HOOK1: variants seen among roughly 807,000 people sequenced by gnomAD.
The protein encoded by HOOK1 is hook microtubule tethering protein 1.
A neutral mutation model predicts 112.8 loss-of-function variants in HOOK1; 60 were observed. The ratio of observed to expected loss-of-function variants is 0.53; its 90% confidence interval spans 0.43 to 0.66. HOOK1 has a LOEUF of 0.66. Among genes scored for constraint, HOOK1 ranks in the 30% least tolerant of loss-of-function variants. The pLI, the probability that HOOK1 is intolerant of heterozygous loss-of-function variation, is 0.00. For missense variants in HOOK1, 770 were observed against 856.0 expected (o/e 0.90, Z 1.25); for synonymous variants, 294 against 283.8 (o/e 1.04, Z -0.36).
chr1:59,830,933 CTCT>C (rs1271526731), intron 3 of HOOK1, among the ~76,000 whole-genome samples: 1 of 146,834 alleles, frequency 6.8e-6, no homozygotes, highest in Non-Finnish European at 1.5e-5. Flanking sequence ...CAGAATTTCG[CTCT>C]TACGCCCAGC....
At chr1:59,823,042 C>T (rs927930281) in intron 2 of HOOK1, among the ~76,000 whole-genome samples, 73 of 152,138 alleles carry the variant, frequency 4.8e-4, no homozygotes, top group African/African-American at 1.5e-3. Context: ...TTTGATTGGC[C>T]GGGTGCGGTG....
At chr1:59,862,908 C>A in intron 16 of HOOK1, 31 bp downstream of exon 16, 3 of 1,214,016 alleles carry the variant, frequency 2.5e-6, no homozygotes, top group Non-Finnish European at 3.7e-6. Flanking sequence ...AATAATTCTG[C>A]TGTGTATGGC....
At chr1:59,827,207 G>A (rs1183984264) in intron 2 of HOOK1, among the ~76,000 whole-genome samples, 4 of 152,182 alleles carry the variant, frequency 2.6e-5, no homozygotes, top group Non-Finnish European at 5.9e-5. Context: ...TCTTTCTTTG[G>A]GGGAGTTCAG....
intron 20 of HOOK1, among the ~76,000 whole-genome samples, chr1:59,869,930 T>C (rs1644028853): frequency 6.6e-6 from 1 of 152,260 alleles, no homozygotes; most frequent in African/African-American, 2.4e-5. Flanking sequence ...GGTTTTCTTT[T>C]TGGTACATGT....
intron 3 of HOOK1, 150 bp from the exon 4 acceptor site, chr1:59,832,013 A>G (rs1302305671): frequency 8.7e-6 from 4 of 458,702 alleles, no homozygotes; most frequent in Non-Finnish European, 1.5e-5. Context: ...GATGGTTAAA[A>G]AGCATCATGT....
rs556002940 is a variant in HOOK1 at position 59,872,895 on chromosome 1, C to T, written c.2117C>T (p.Ala706Val). ...GACTPARSFL[A>V]QQRHITNTRR... Reference sequence around the variant, plus strand: ...TGCACTCCTGCGCGGTCTTTCTTAGCGCAGCAACGGCACATCACCAACACC... The same window carrying T: ...TGCACTCCTGCGCGGTCTTTCTTAGTGCAGCAACGGCACATCACCAACACC... Residue 706 changes from alanine to valine, a missense_variant, in exon 22 of 22, where the codon GCG becomes GTG. By Grantham distance (64) the Ala-to-Val change is moderately conservative (BLOSUM62 0). This residue lies in a region of HOOK1 where 111 missense variants were observed against 111.8 expected (regional missense o/e 0.99). Transcript: ENST00000371208. 3.3e-4 allele frequency: 497 copies of T among 1,526,710 alleles called. 1 individual carries two copies. The highest frequency in any genetic ancestry group is 5.1e-4 in the Middle Eastern group (3 of 5,938). 94.6% of individuals were successfully genotyped at this position (1,526,710 alleles called of 1,614,324 possible). A position where few individuals can be genotyped will look rare whatever the true frequency, so the allele number is the denominator to read the frequency against.
intron 12 of HOOK1, among the ~76,000 whole-genome samples, chr1:59,857,440 T>A (rs979013660): frequency 2.6e-5 from 4 of 152,196 alleles, no homozygotes; most frequent in South Asian, 2.1e-4. Context: ...ACCAGACTGT[T>A]GTAGGCCTTT....
chr1:59,825,504 C>T (rs1288106471), intron 2 of HOOK1, among the ~76,000 whole-genome samples: 1 of 152,182 alleles, frequency 6.6e-6, no homozygotes, highest in Non-Finnish European at 1.5e-5. Context: ...TAGCCAACAT[C>T]TGAATATATA....
At chr1:59,819,138 ATTTTTTTTTTT>A (rs60936378) in intron 1 of HOOK1, among the ~76,000 whole-genome samples, 3 of 76,540 alleles carry the variant, frequency 3.9e-5, no homozygotes, top group South Asian at 9.4e-4. Context: ...CCCAATAAGC[ATTTTTTTTTTT>A]TTTTTTTTTT....
chr1:59,855,258 A>AT (rs1367324751), intron 12 of HOOK1, among the ~76,000 whole-genome samples: 3 of 152,164 alleles, frequency 2.0e-5, no homozygotes, highest in Non-Finnish European at 4.4e-5. Flanking sequence ...AGTACCCAGT[A>AT]GTTATCTTTT....
At chr1:59,836,259 A>G (rs1026688719) in intron 6 of HOOK1, among the ~76,000 whole-genome samples, 1 of 152,152 alleles carries the variant, frequency 6.6e-6, no homozygotes, top group African/African-American at 2.4e-5. Flanking sequence ...TTGATTCTTA[A>G]TATCAGCCTA....
intron 15 of HOOK1, among the ~76,000 whole-genome samples, chr1:59,862,022 A>T (rs1031399451): frequency 6.6e-6 from 1 of 152,208 alleles, no homozygotes. Flanking sequence ...ACCAGTTGTT[A>T]ACACTTTTCT....
intron 3 of HOOK1, 108 bp downstream of exon 3, chr1:59,828,960 G>A (rs1005661535): frequency 3.5e-5 from 29 of 821,814 alleles, no homozygotes; most frequent in Non-Finnish European, 4.8e-5. Flanking sequence ...TTTTTGTTGT[G>A]TATAGTTTGA....
intron 7 of HOOK1, among the ~76,000 whole-genome samples, chr1:59,839,971 T>C (rs1257163665): frequency 6.6e-6 from 1 of 152,226 alleles, no homozygotes; most frequent in African/African-American, 2.4e-5. Flanking sequence ...TCATTGGTTC[T>C]GTTTATGTGA....
At chr1:59,839,576 A>G (rs1275675877) in intron 7 of HOOK1, among the ~76,000 whole-genome samples, 1 of 152,186 alleles carries the variant, frequency 6.6e-6, no homozygotes, top group Non-Finnish European at 1.5e-5. Flanking sequence ...TTATCAGCTT[A>G]AGGAGATTTT....
rs190073935 is a variant in HOOK1 at position 59,867,709 on chromosome 1, C to T, written c.1846-541C>T. Among the ~76,000 whole-genome samples, 351 of 152,116 alleles carry T rather than the reference C, an allele frequency of 2.3e-3. 2 individuals carry two copies. The highest frequency in any genetic ancestry group is 6.8e-3 in the Middle Eastern group (2 of 294). On this transcript the variant is annotated intron_variant, in intron 19 of 21. Coordinates refer to ENST00000371208, the MANE Select transcript of HOOK1 (RefSeq NM_015888.6). ...TCAATTTTTAGTAATAACATAAATGCGATTCAGCACCCTACCTTTTGCAAA... is the reference window on the plus strand; with the variant it reads ...TCAATTTTTAGTAATAACATAAATGTGATTCAGCACCCTACCTTTTGCAAA...
intron 15 of HOOK1, among the ~76,000 whole-genome samples, chr1:59,862,502 A>T (rs766605386): frequency 7.9e-5 from 12 of 152,164 alleles, no homozygotes; most frequent in Non-Finnish European, 1.5e-4. Flanking sequence ...TTTTTCTACC[A>T]GTGAGTGCGG....
intron 8 of HOOK1, 38 bp downstream of exon 8, chr1:59,840,429 T>G (rs113120595): frequency 1.1e-5 from 15 of 1,346,386 alleles, no homozygotes; most frequent in Non-Finnish European, 1.5e-5. Flanking sequence ...AAACTTCCTC[T>G]TTAAGTTTAC....
Position 59,814,969 on chromosome 1 carries a change from A to C in HOOK1, c.-149A>C. The C allele has an allele frequency of 4.2e-6, 3 of 722,796 alleles. No individual in the cohort carries two copies. Among genetic ancestry groups the C allele is most frequent in the Non-Finnish European group, 6.7e-6 (3 of 447,056 alleles). 44.8% of individuals were successfully genotyped at this position (722,796 alleles called of 1,614,324 possible). On this transcript the variant is annotated 5_prime_UTR_variant, in exon 1 of 22. Coordinates refer to ENST00000371208, the MANE Select transcript of HOOK1 (RefSeq NM_015888.6). Reference sequence around the variant, plus strand: ...AGGGGGTGACGCCGGACGCGTCGACAGCGCGAGGGTTCGCGCGTGAGCTGC... The same window carrying C: ...AGGGGGTGACGCCGGACGCGTCGACCGCGCGAGGGTTCGCGCGTGAGCTGC...
Sources: allele counts gnomAD v4.1 joint callset (sites outside exome capture counted in the v4.1 genomes callset), GRCh38; gene constraint gnomAD v4.1.1; regional missense constraint gnomAD v4.1.1; transcripts MANE v1.5; gene names NCBI Gene and HGNC (gene_info 2026-07-23, HGNC 2026-07-21).